Variants in LRRC4C observed in about 807,000 individuals in gnomAD.
The protein encoded by LRRC4C is leucine rich repeat containing 4C, also known as leucine-rich repeat-containing protein 4C.
Under a neutral mutation model 33.6 loss-of-function variants are expected in LRRC4C, and 5 were observed. The observed-to-expected ratio is 0.15, with a 90% CI of 0.08 to 0.31. LRRC4C has a LOEUF of 0.31. Among genes scored for constraint, LRRC4C ranks in the 10% least tolerant of loss-of-function variants. The pLI is 1.00. For missense variants in LRRC4C, 560 were observed against 796.7 expected, an observed-to-expected ratio of 0.70 and a Z score of 3.58; for synonymous variants, 329 against 302.0, an observed-to-expected ratio of 1.09 and a Z score of -0.93.
At chr11:41,268,225 C>T (rs1364717576) in intron 1 of LRRC4C, among the ~76,000 whole-genome samples, 2 of 152,014 alleles carry the variant, frequency 1.3e-5, no homozygotes, top group Non-Finnish European at 2.9e-5. Context: ...GCTCTGGAGT[C>T]GTATTCTTAG....
intron 2 of LRRC4C, among the ~76,000 whole-genome samples, chr11:40,691,372 C>T (rs1343661306): frequency 6.6e-6 from 1 of 151,972 alleles, no homozygotes; most frequent in Non-Finnish European, 1.5e-5. Context: ...TATCCAATTT[C>T]CTCTTCATCA....
chr11:41,169,875 T>C (rs1241290222), intron 1 of LRRC4C, among the ~76,000 whole-genome samples: 1 of 152,168 alleles, frequency 6.6e-6, no homozygotes, highest in South Asian at 2.1e-4. Flanking sequence ...TAATATGAAA[T>C]AAATCACTGG....
At chr11:41,302,730 T>C (rs186896990) in intron 1 of LRRC4C, among the ~76,000 whole-genome samples, 3 of 152,348 alleles carry the variant, frequency 2.0e-5, no homozygotes, top group African/African-American at 7.2e-5. Context: ...TTCATTGTTT[T>C]AATAATAATG....
chr11:40,130,591 T>C (rs1203046013), intron 6 of LRRC4C, among the ~76,000 whole-genome samples: 1 of 152,198 alleles, frequency 6.6e-6, no homozygotes, highest in Non-Finnish European at 1.5e-5. Context: ...TTACTGCCTC[T>C]ACCCACTAGA....
intron 2 of LRRC4C, among the ~76,000 whole-genome samples, chr11:40,769,260 T>C (rs1949634721): frequency 6.6e-6 from 1 of 151,908 alleles, no homozygotes. Flanking sequence ...TGCTTAAAAA[T>C]AAACTGATGC....
intron 1 of LRRC4C, among the ~76,000 whole-genome samples, chr11:41,202,566 T>C (rs1946441281): frequency 6.6e-6 from 1 of 152,188 alleles, no homozygotes; most frequent in Admixed American, 6.5e-5. Flanking sequence ...TATTCTCATT[T>C]TAGTTAAAAC....
chr11:40,342,803 C>T (rs554981316), intron 3 of LRRC4C, among the ~76,000 whole-genome samples: 2 of 152,180 alleles, frequency 1.3e-5, no homozygotes, highest in South Asian at 2.1e-4. Flanking sequence ...TATTCTACTA[C>T]CCCATATATA....
intron 2 of LRRC4C, among the ~76,000 whole-genome samples, chr11:40,790,734 T>C (rs1950590913): frequency 6.6e-6 from 1 of 152,242 alleles, no homozygotes; most frequent in Non-Finnish European, 1.5e-5. Context: ...CAAAGCTTTT[T>C]ATTTAAATAG....
chr11:40,618,102 G>C (rs945774437), intron 3 of LRRC4C, among the ~76,000 whole-genome samples: 1 of 151,652 alleles, frequency 6.6e-6, no homozygotes, highest in Non-Finnish European at 1.5e-5. Flanking sequence ...CCTATTCAAA[G>C]TTCATATCTA....
chr11:41,036,284 T>A (rs2137899209), intron 1 of LRRC4C, among the ~76,000 whole-genome samples: 1 of 152,290 alleles, frequency 6.6e-6, no homozygotes, highest in East Asian at 1.9e-4. Context: ...TTTAAGATGC[T>A]AGGCAATGAT....
intron 1 of LRRC4C, among the ~76,000 whole-genome samples, chr11:41,294,678 A>G (rs555671547): frequency 1.3e-5 from 2 of 152,298 alleles, no homozygotes; most frequent in South Asian, 4.1e-4. Context: ...TTTATATTCC[A>G]ATGGAACTCA....
At chr11:41,292,820 A>G (rs189178889) in intron 1 of LRRC4C, among the ~76,000 whole-genome samples, 3 of 152,280 alleles carry the variant, frequency 2.0e-5, no homozygotes, top group African/African-American at 4.8e-5. Flanking sequence ...GGGAGAATCA[A>G]TCTTAAAAAA....
At chr11:40,895,217 C>A (rs1955886333) in intron 2 of LRRC4C, among the ~76,000 whole-genome samples, 2 of 151,914 alleles carry the variant, frequency 1.3e-5, no homozygotes, top group South Asian at 2.1e-4. Context: ...ATAGTTATAT[C>A]TTAGAATTAT....
rs545954917 is a variant in LRRC4C at position 40,914,042 on chromosome 11, G to A, written c.-407+19593C>T. On this transcript the variant is annotated intron_variant, in intron 2 of 6. Coordinates refer to ENST00000528697, the MANE Select transcript of LRRC4C (RefSeq NM_001258419.2). ...TTGACCAAAAACAGGCTCTGAAATT[G>A]AGGCAATAATTAATAGCTTACCAAC... is the stretch of plus-strand genomic sequence containing the variant. Among the ~76,000 whole-genome samples the A allele has an allele frequency of 2.6e-5, 4 of 152,230 alleles. No homozygotes were observed. In the East Asian group the frequency reaches 5.8e-4, roughly 22 times the overall value.
chr11:40,366,318 C>G (rs1948206099), intron 3 of LRRC4C, among the ~76,000 whole-genome samples: 1 of 151,990 alleles, frequency 6.6e-6, no homozygotes, highest in African/African-American at 2.4e-5. Context: ...GTACAAGGTA[C>G]CAGCCTTGGT....
intron 5 of LRRC4C, among the ~76,000 whole-genome samples, chr11:40,236,471 ATTCT>A (rs1339280599): frequency 6.6e-6 from 1 of 152,310 alleles, no homozygotes; most frequent in East Asian, 1.9e-4. Context: ...GTATCTGTTA[ATTCT>A]TTATTTCATG....
chr11:41,229,052 A>G (rs543152133), intron 1 of LRRC4C, among the ~76,000 whole-genome samples: 3 of 152,180 alleles, frequency 2.0e-5, no homozygotes, highest in South Asian at 2.1e-4. Context: ...CTGACTTTTC[A>G]TTATGAATTT....
Position 40,618,842 on chromosome 11 carries a change from G to T in LRRC4C, c.-270+29300C>A, listed in dbSNP as rs539399549. Among the ~76,000 whole-genome samples the T allele has an allele frequency of 4.6e-5, 7 of 151,856 alleles. No homozygotes were observed. In the South Asian group the frequency reaches 1.5e-3, roughly 31 times the overall value. ...TTCAAGTCAGGATCTGCCACTGAAT[G>T]GCTGCATAAATTTAGAAAAGCAGGT... On this transcript the variant is annotated intron_variant, in intron 3 of 6. Transcript: ENST00000528697.
intron 1 of LRRC4C, among the ~76,000 whole-genome samples, chr11:41,250,177 AAAC>A (rs1192733484): frequency 1.3e-5 from 2 of 152,264 alleles, no homozygotes; most frequent in African/African-American, 4.8e-5. Context: ...TCAAAAAACA[AAAC>A]AAACAAACAA....
Sources: allele counts gnomAD v4.1 joint callset (sites outside exome capture counted in the v4.1 genomes callset), GRCh38; gene constraint gnomAD v4.1.1; transcripts MANE v1.5; gene names NCBI Gene and HGNC (gene_info 2026-07-23, HGNC 2026-07-21).